The following ROBO2 variants were observed in gnomAD, a reference collection of about 807,000 sequenced individuals.
ROBO2 encodes the protein roundabout guidance receptor 2.
In ROBO2, 53 loss-of-function variants were observed where a neutral mutation model predicts 160.8. The ratio of observed to expected loss-of-function variants is 0.33; its 90% CI spans 0.26 to 0.41. The LOEUF is 0.41. Ranked by LOEUF, ROBO2 falls within the 10% of genes least tolerant of loss-of-function variation. The pLI is 1.00. For synonymous variants in ROBO2, 664 were observed against 611.7 expected, an observed-to-expected ratio of 1.09 and a Z score of -1.26; for missense variants, 1,577 against 1,722.4, an observed-to-expected ratio of 0.92 and a Z score of 1.49.
At chr3:76,856,947 A>G (rs2070165777) in intron 2 of ROBO2, among the ~76,000 whole-genome samples, 1 of 152,198 alleles carries the variant, frequency 6.6e-6, no homozygotes, top group Non-Finnish European at 1.5e-5. Flanking sequence ...TGCATATGGC[A>G]TGTATTACAT....
intron 2 of ROBO2, among the ~76,000 whole-genome samples, chr3:77,233,214 G>T (rs13079986): frequency 6.6e-6 from 1 of 152,108 alleles, no homozygotes; most frequent in South Asian, 2.1e-4. Context: ...AATTCAAAGT[G>T]AATAATACCA....
chr3:77,070,077 T>G (rs2067250548), intron 1 of ROBO2, among the ~76,000 whole-genome samples: 1 of 152,012 alleles, frequency 6.6e-6, no homozygotes, highest in Non-Finnish European at 1.5e-5. Flanking sequence ...GATGAGAGGT[T>G]GGAATAATGG....
At chr3:76,322,226 C>T (rs2072621775) in intron 2 of ROBO2, among the ~76,000 whole-genome samples, 1 of 144,872 alleles carries the variant, frequency 6.9e-6, no homozygotes, top group South Asian at 2.2e-4. Flanking sequence ...CATATATACA[C>T]ACAGACATTA....
intron 2 of ROBO2, among the ~76,000 whole-genome samples, chr3:76,779,530 A>G (rs1027048765): frequency 3.3e-5 from 5 of 150,908 alleles, no homozygotes; most frequent in African/African-American, 9.7e-5. Flanking sequence ...GCACCTGACA[A>G]CCACTATTCT....
chr3:77,147,554 C>A (rs1488069070), intron 2 of ROBO2, among the ~76,000 whole-genome samples: 1 of 152,018 alleles, frequency 6.6e-6, no homozygotes, highest in African/African-American at 2.4e-5. Flanking sequence ...TTAATTATTA[C>A]CACCATAATA....
intron 5 of ROBO2, among the ~76,000 whole-genome samples, chr3:77,518,179 A>T (rs1400149186): frequency 6.6e-6 from 1 of 151,458 alleles, no homozygotes; most frequent in East Asian, 1.9e-4. Context: ...GAGATGTTCA[A>T]AGATAGAATA....
upstream of ROBO2, among the ~76,000 whole-genome samples, chr3:77,039,188 C>T (rs1400135185): frequency 1.3e-5 from 2 of 152,210 alleles, no homozygotes; most frequent in African/African-American, 2.4e-5. Context: ...TCTGCCCCCT[C>T]CTTTTTCTCC....
chr3:76,439,595 A>C (rs776972576), intron 2 of ROBO2, among the ~76,000 whole-genome samples: 7 of 152,222 alleles, frequency 4.6e-5, no homozygotes, highest in Non-Finnish European at 1.0e-4. Context: ...TATGCCAAGC[A>C]AAAACAAAAT....
At chr3:76,649,971 A>C (rs558589685) in intron 2 of ROBO2, among the ~76,000 whole-genome samples, 1 of 152,196 alleles carries the variant, frequency 6.6e-6, no homozygotes, top group Admixed American at 6.6e-5. Context: ...AATCGTGAAT[A>C]TTCCTCTGAA....
chr3:76,867,781 G>T (rs1559624485), intron 2 of ROBO2, among the ~76,000 whole-genome samples: 1 of 152,180 alleles, frequency 6.6e-6, no homozygotes, highest in African/African-American at 2.4e-5. Context: ...TGAGCTCATT[G>T]CATGAGCCTT....
intron 2 of ROBO2, among the ~76,000 whole-genome samples, chr3:76,281,986 C>T (rs1708256792): frequency 6.6e-6 from 1 of 151,978 alleles, no homozygotes; most frequent in Admixed American, 6.6e-5. Flanking sequence ...TGTTTGAAAG[C>T]TCTTCAAGAT....
At chr3:76,567,207 A>G (rs2084580600) in intron 2 of ROBO2, among the ~76,000 whole-genome samples, 2 of 152,262 alleles carry the variant, frequency 1.3e-5, no homozygotes, top group South Asian at 4.2e-4. Context: ...CCTTGAAGAA[A>G]CAGCCAATCT....
chr3:76,241,482 A>T (rs1351798062), intron 2 of ROBO2, among the ~76,000 whole-genome samples: 1 of 152,178 alleles, frequency 6.6e-6, no homozygotes, highest in Non-Finnish European at 1.5e-5. Flanking sequence ...GAGCTTATAT[A>T]CTTGTATGTT....
rs564304653 is a variant in ROBO2, at chr3:77,393,121, GA to G, written c.389-84289del. 3.9e-3 allele frequency among the ~76,000 whole-genome samples: 586 copies of G among 152,132 alleles called. 5 individuals are homozygous for G. The highest frequency in any genetic ancestry group is 0.014 in the African/African-American group (564 of 41,548). On this transcript the variant is annotated intron_variant, in intron 2 of 25. Transcript: ENST00000461745. ...ATTTAAGAATAAATTTGCATTTATTGAAAATTTTCTTAATGAAATCTCATTT... is the reference window on the plus strand; with the variant it reads ...ATTTAAGAATAAATTTGCATTTATTGAAATTTTCTTAATGAAATCTCATTT...
intron 2 of ROBO2, among the ~76,000 whole-genome samples, chr3:77,243,551 G>A (rs930493178): frequency 2.0e-5 from 3 of 152,098 alleles, no homozygotes; most frequent in Non-Finnish European, 4.4e-5. Context: ...TTCTGGACAC[G>A]GTCATGGCTT....
chr3:76,478,344 C>A (rs1306181727), intron 2 of ROBO2, among the ~76,000 whole-genome samples: 2 of 151,596 alleles, frequency 1.3e-5, no homozygotes, highest in African/African-American at 4.9e-5. Flanking sequence ...CATGTCCCTA[C>A]AAAGGACATG....
At chr3:76,423,741 A>C (rs1039051731) in intron 2 of ROBO2, among the ~76,000 whole-genome samples, 4 of 152,194 alleles carry the variant, frequency 2.6e-5, no homozygotes, top group African/African-American at 9.7e-5. Context: ...AGTCCACCGG[A>C]TGACAGGTCA....
intron 2 of ROBO2, among the ~76,000 whole-genome samples, chr3:76,160,726 G>A (rs919798184): frequency 2.0e-5 from 3 of 151,928 alleles, no homozygotes; most frequent in Non-Finnish European, 4.4e-5. Flanking sequence ...GCTATGAGAG[G>A]GCTTTTTTCA....
At chr3:76,029,223 A>C (rs1056398478) in intron 2 of ROBO2, among the ~76,000 whole-genome samples, 21 of 152,192 alleles carry the variant, frequency 1.4e-4, no homozygotes, top group African/African-American at 5.1e-4. Context: ...TTAAAAATGG[A>C]AGTTAACATG....
Sources: allele counts gnomAD v4.1 joint callset (sites outside exome capture counted in the v4.1 genomes callset), GRCh38; gene constraint gnomAD v4.1.1; transcripts MANE v1.5; gene names NCBI Gene and HGNC (gene_info 2026-07-23, HGNC 2026-07-21).